Variants in ARHGAP42 observed in about 807,000 individuals in gnomAD.
ARHGAP42 encodes Rho GTPase activating protein 42.
ARHGAP42 carries 63 observed loss-of-function variants against 125.0 expected under a neutral mutation model. That is an observed-to-expected ratio of 0.50 (90% CI 0.41 to 0.62). ARHGAP42 has a LOEUF of 0.62. ARHGAP42 is among the 20% of genes least tolerant of loss of function. The pLI, the probability that ARHGAP42 is intolerant of heterozygous loss-of-function variation, is 0.00. For synonymous variants in ARHGAP42, 339 were observed against 351.0 expected (o/e 0.97, Z 0.38); for missense variants, 766 against 1,024.2 (o/e 0.75, Z 3.44).
chr11:100,821,354 G>T (rs1160429664), intron 3 of ARHGAP42, among the ~76,000 whole-genome samples: 2 of 152,066 alleles, frequency 1.3e-5, no homozygotes, highest in East Asian at 3.9e-4. Flanking sequence ...CTAGAGTGAG[G>T]CTTCTTTGTT....
At position 100,687,560 on chromosome 11, in the gene ARHGAP42, C is replaced by A. The variant is rs978479605; in HGVS notation, c.-119C>A. 5 of 752,946 alleles carry A rather than the reference C, an allele frequency of 6.6e-6. No homozygotes were observed. The highest frequency in any genetic ancestry group is 5.1e-5 in the East Asian group (1 of 19,502). The allele number at this position is 752,946 out of a possible 1,614,324, so 46.6% of individuals were successfully genotyped here. A position where few individuals can be genotyped will look rare whatever the true frequency, so the allele number is the denominator to read the frequency against. On this transcript the variant is annotated 5_prime_UTR_variant, in exon 1 of 24. Transcript: ENST00000298815. ...GTTTCCTCCGCGCAATCAGTCCCCT[C>A]GCGTCCCGGCGCCTTCCCCGCGATC...
chr11:100,807,471 C>G (rs1864025777), intron 3 of ARHGAP42, among the ~76,000 whole-genome samples: 1 of 152,212 alleles, frequency 6.6e-6, no homozygotes, highest in African/African-American at 2.4e-5. Context: ...GCTAGGATTA[C>G]AGGCGTGAGC....
At chr11:100,920,413 C>A (rs940409924) in intron 5 of ARHGAP42, among the ~76,000 whole-genome samples, 4 of 152,094 alleles carry the variant, frequency 2.6e-5, no homozygotes, top group Admixed American at 2.6e-4. Context: ...GGAAGTCTTA[C>A]CAATAAAATC....
intron 16 of ARHGAP42, 133 bp from the exon 17 acceptor site, chr11:100,965,538 G>T: frequency 1.3e-6 from 1 of 757,248 alleles, no homozygotes; most frequent in South Asian, 1.6e-5. Flanking sequence ...GAATGATAAT[G>T]ACAGTACTAC....
intron 1 of ARHGAP42, among the ~76,000 whole-genome samples, chr11:100,696,786 C>G (rs1275653698): frequency 1.3e-5 from 2 of 152,124 alleles, no homozygotes; most frequent in African/African-American, 4.8e-5. Flanking sequence ...AGTCAGTTCT[C>G]CCACCTCTAC....
chr11:100,966,342 A>G (rs952071800), intron 17 of ARHGAP42, among the ~76,000 whole-genome samples: 20 of 152,096 alleles, frequency 1.3e-4, no homozygotes, highest in African/African-American at 4.6e-4. Context: ...TATATTTAAT[A>G]TATATATAAA....
chr11:100,910,689 TGGAG>T (rs1866888569), intron 4 of ARHGAP42, among the ~76,000 whole-genome samples: 1 of 114,356 alleles, frequency 8.7e-6, no homozygotes, highest in African/African-American at 2.9e-5. Context: ...TCATGGCTTT[TGGAG>T]GAGATGTGAG....
chr11:100,875,758 T>TGGC (rs1430612320), intron 4 of ARHGAP42, among the ~76,000 whole-genome samples: 1 of 104,632 alleles, frequency 9.6e-6, no homozygotes, highest in East Asian at 2.9e-4. Flanking sequence ...ACGTCCAGGG[T>TGGC]GGCGGGGGGT....
intron 6 of ARHGAP42, among the ~76,000 whole-genome samples, chr11:100,932,851 C>G (rs1042952951): frequency 6.6e-6 from 1 of 152,096 alleles, no homozygotes; most frequent in African/African-American, 2.4e-5. Context: ...TGCTATTATA[C>G]TTTAGTCGTT....
chr11:100,722,303 T>G (rs1228664127), intron 1 of ARHGAP42, among the ~76,000 whole-genome samples: 1 of 152,184 alleles, frequency 6.6e-6, no homozygotes, highest in East Asian at 1.9e-4. Context: ...TTGTTTTTCT[T>G]ATTCTTGAAT....
At chr11:100,971,305 A>G (rs998992709) in intron 17 of ARHGAP42, among the ~76,000 whole-genome samples, 1 of 152,026 alleles carries the variant, frequency 6.6e-6, no homozygotes, top group Non-Finnish European at 1.5e-5. Flanking sequence ...TACCATTTCC[A>G]TAAGTAGAAC....
chr11:100,811,498 ACTTT>A (rs1016540169), intron 3 of ARHGAP42, among the ~76,000 whole-genome samples: 5 of 113,082 alleles, frequency 4.4e-5, no homozygotes, highest in Admixed American at 9.9e-5. Context: ...GAATGTCTTG[ACTTT>A]CTTTTTTTTT....
chr11:100,934,344 C>A (rs554848270), intron 7 of ARHGAP42, among the ~76,000 whole-genome samples: 2 of 151,570 alleles, frequency 1.3e-5, no homozygotes, highest in South Asian at 4.2e-4. Context: ...ACCCTCTGAA[C>A]CTTGTTACAA....
At chr11:100,841,953 T>G (rs566369550) in intron 3 of ARHGAP42, among the ~76,000 whole-genome samples, 2 of 152,326 alleles carry the variant, frequency 1.3e-5, no homozygotes, top group South Asian at 4.1e-4. Flanking sequence ...CTTGTCTGTC[T>G]TCCTGAACTA....
intron 5 of ARHGAP42, 103 bp from the exon 6 acceptor site, chr11:100,921,391 A>T: frequency 1.2e-6 from 1 of 864,804 alleles, no homozygotes; most frequent in Non-Finnish European, 1.8e-6. Flanking sequence ...GTGCTGTGTT[A>T]AACTTTTTGT....
At chr11:100,802,844 G>T (rs2135046011) in intron 3 of ARHGAP42, among the ~76,000 whole-genome samples, 1 of 152,136 alleles carries the variant, frequency 6.6e-6, no homozygotes, top group South Asian at 2.1e-4. Flanking sequence ...CCTTTCCTCT[G>T]CCTTGAACAT....
At chr11:100,962,808 G>A (rs7122917) in intron 16 of ARHGAP42, among the ~76,000 whole-genome samples, 61,757 of 151,904 alleles carry the variant, frequency 0.41, 13,449 homozygotes, top group African/African-American at 0.51. Context: ...CCCAGGAGGC[G>A]GAGGTTATGG....
chr11:100,934,151 A>T (rs1445696206), intron 7 of ARHGAP42, among the ~76,000 whole-genome samples: 1 of 152,224 alleles, frequency 6.6e-6, no homozygotes, highest in African/African-American at 2.4e-5. Context: ...GTACTTTAAT[A>T]ACAAAGATCT....
chr11:100,765,627 G>T (rs1761634462), intron 1 of ARHGAP42, among the ~76,000 whole-genome samples: 1 of 152,182 alleles, frequency 6.6e-6, no homozygotes, highest in South Asian at 2.1e-4. Flanking sequence ...ATTGCCCTCT[G>T]TTATGATTAA....
Sources: allele counts gnomAD v4.1 joint callset (sites outside exome capture counted in the v4.1 genomes callset), GRCh38; gene constraint gnomAD v4.1.1; transcripts MANE v1.5; gene names NCBI Gene and HGNC (gene_info 2026-07-23, HGNC 2026-07-21).